ARID5B: variants seen among roughly 807,000 people sequenced by gnomAD.
ARID5B encodes the protein AT-rich interaction domain 5B.
Under a neutral mutation model 97.2 loss-of-function variants are expected in ARID5B, and 13 were observed. The observed-to-expected ratio is 0.13, with a 90% CI of 0.09 to 0.21. The LOEUF (loss-of-function observed/expected upper bound fraction) is 0.21, where lower values mean the gene tolerates loss of function less well. ARID5B is among the 10% of genes least tolerant of loss of function. The pLI is 1.00. For synonymous variants in ARID5B, 556 were observed against 570.3 expected, an observed-to-expected ratio of 0.97 and a Z score of 0.36; for missense variants, 1,210 against 1,465.3, an observed-to-expected ratio of 0.83 and a Z score of 2.84.
intron 8 of ARID5B, among the ~76,000 whole-genome samples, chr10:62,077,317 G>T (rs1840150853): frequency 6.6e-6 from 1 of 152,068 alleles, no homozygotes; most frequent in African/African-American, 2.4e-5. Flanking sequence ...CCAGACCCTG[G>T]AGTAGAAAAA....
chr10:61,964,144 A>T (rs1432010383), intron 3 of ARID5B, among the ~76,000 whole-genome samples: 1 of 152,144 alleles, frequency 6.6e-6, no homozygotes, highest in Non-Finnish European at 1.5e-5. Context: ...CTAAATGGAC[A>T]CAAACCTCAG....
chr10:61,940,260 C>T lies in ARID5B; in HGVS notation c.354C>T (p.Ser118=). The T allele has an allele frequency of 6.2e-7, 1 of 1,614,180 alleles. No homozygotes were observed. The highest frequency in any genetic ancestry group is 8.5e-7 in the Non-Finnish European group (1 of 1,180,024). ...TCAAGTGGGTACATTCTGATTTCTC[C>T]AAGTGGAGATGTGGCTTCCACGCTG... is the stretch of plus-strand genomic sequence containing the variant. ...DLVKWVHSDF[S]KWRCGFHAGP... The change falls in exon 3 of 10, where the codon TCC becomes TCT. Residue 118 remains serine (S), a synonymous_variant. Coordinates refer to ENST00000279873, the MANE Select transcript of ARID5B (RefSeq NM_032199.3).
chr10:61,901,935 A>C (rs976258249), intron 1 of ARID5B, among the ~76,000 whole-genome samples: 4 of 150,576 alleles, frequency 2.7e-5, no homozygotes, highest in Non-Finnish European at 4.4e-5. Context: ...ACCGCCTCAA[A>C]TGGGGAGGTG....
chr10:61,970,621 G>A (rs1838613588), intron 3 of ARID5B, among the ~76,000 whole-genome samples: 1 of 152,158 alleles, frequency 6.6e-6, no homozygotes, highest in Admixed American at 6.5e-5. Flanking sequence ...AGAGCGCCGA[G>A]GAGGTTGATA....
chr10:61,945,702 A>G (rs971618984), intron 3 of ARID5B, among the ~76,000 whole-genome samples: 2 of 152,186 alleles, frequency 1.3e-5, no homozygotes, highest in African/African-American at 4.8e-5. Context: ...TGAGAAGACC[A>G]CCTGAGAACA....
chr10:62,019,393 G>A (rs1337479838), intron 4 of ARID5B, among the ~76,000 whole-genome samples: 1 of 152,112 alleles, frequency 6.6e-6, no homozygotes, highest in Non-Finnish European at 1.5e-5. Context: ...CACAACCACC[G>A]TACAATAGTG....
At chr10:61,947,461 G>A (rs182220797) in intron 3 of ARID5B, among the ~76,000 whole-genome samples, 104 of 151,890 alleles carry the variant, frequency 6.8e-4, no homozygotes, top group African/African-American at 2.4e-3. Context: ...AGTAGAGACG[G>A]GGTTTCACGA....
Position 62,062,846 on chromosome 10 carries a change from C to T in ARID5B, c.1101+3551C>T, listed in dbSNP as rs184213008. On this transcript the variant is annotated intron_variant, in intron 7 of 9. Transcript: ENST00000279873. Reference sequence around the variant, plus strand: ...CCAGTTCATAGCCTCATTTTACAAGCGAGAAAACTGAGGCACTGGGAGATG... The same window carrying T: ...CCAGTTCATAGCCTCATTTTACAAGTGAGAAAACTGAGGCACTGGGAGATG... 3.4e-5 allele frequency among the ~76,000 whole-genome samples: 5 copies of T among 148,384 alleles called. 1 individual carries two copies. Among genetic ancestry groups the T allele is most frequent in the African/African-American group, 1.0e-4 (4 of 40,078 alleles).
intron 3 of ARID5B, among the ~76,000 whole-genome samples, chr10:61,980,902 G>T (rs2132845370): frequency 6.6e-6 from 1 of 152,284 alleles, no homozygotes; most frequent in South Asian, 2.1e-4. Flanking sequence ...TCACCCAGTA[G>T]GTTGCTCCTC....
chr10:62,001,289 C>T (rs898988187), intron 4 of ARID5B, among the ~76,000 whole-genome samples: 14 of 152,156 alleles, frequency 9.2e-5, no homozygotes, highest in Admixed American at 1.3e-4. Context: ...CACCCTACCC[C>T]TTCTCTGGAA....
chr10:62,073,300 C>T (rs561486904), intron 8 of ARID5B, among the ~76,000 whole-genome samples: 1 of 152,320 alleles, frequency 6.6e-6, no homozygotes, highest in South Asian at 2.1e-4. Context: ...TTTTCATGCA[C>T]TGTGGTTCAT....
intron 2 of ARID5B, among the ~76,000 whole-genome samples, chr10:61,925,572 G>A (rs1187018163): frequency 1.3e-5 from 2 of 152,146 alleles, no homozygotes; most frequent in Non-Finnish European, 2.9e-5. Context: ...ACTGTTTAGA[G>A]AGAAAGTATG....
At position 62,092,863 on chromosome 10, in the gene ARID5B, C is replaced by T. The variant is rs751082363; in HGVS notation, c.3400C>T (p.Pro1134Ser). Residue 1134 changes from proline to serine, a missense_variant, in exon 10 of 10, where the codon CCG becomes TCG. Pro to Ser is a moderately conservative substitution (Grantham distance 74). Transcript: ENST00000279873. ...LVMQRGIFTSPTNSQQLYRHL... is the reference protein window; with the variant it reads ...LVMQRGIFTSSTNSQQLYRHL... Reference sequence around the variant, plus strand: ...GATGCAAAGAGGAATTTTTACATCACCGACAAATTCTCAGCAGCTGTACAG... The same window carrying T: ...GATGCAAAGAGGAATTTTTACATCATCGACAAATTCTCAGCAGCTGTACAG... The T allele has an allele frequency of 6.2e-7, 1 of 1,614,104 alleles. No individual in the cohort carries two copies. The highest frequency in any genetic ancestry group is 1.7e-5 in the Admixed American group (1 of 60,016).
intron 3 of ARID5B, among the ~76,000 whole-genome samples, chr10:61,999,828 A>G (rs971689791): frequency 2.6e-5 from 4 of 152,150 alleles, no homozygotes; most frequent in African/African-American, 9.7e-5. Context: ...TGATGACACA[A>G]ACATTACTTA....
chr10:62,050,832 A>G (rs1474032527), intron 4 of ARID5B, 56 bp from the exon 5 acceptor site: 19 of 1,462,934 alleles, frequency 1.3e-5, no homozygotes, highest in Non-Finnish European at 1.8e-5. Context: ...TGGGTCTTTA[A>G]TAAAGAAACC....
At chr10:61,958,621 GATATTACTAGAAATAAAGA>G (rs1420083177) in intron 3 of ARID5B, among the ~76,000 whole-genome samples, 2 of 152,180 alleles carry the variant, frequency 1.3e-5, no homozygotes, top group Non-Finnish European at 2.9e-5. Context: ...ATTCTACCAG[GATATTACTAGAAATAAAGA>G]ATCTTGTGGT....
At chr10:62,017,472 G>T (rs1309158693) in intron 4 of ARID5B, among the ~76,000 whole-genome samples, 1 of 151,578 alleles carries the variant, frequency 6.6e-6, no homozygotes, top group Non-Finnish European at 1.5e-5. Flanking sequence ...ATAAGTCATG[G>T]TATTTTGTTT....
intron 6 of ARID5B, among the ~76,000 whole-genome samples, chr10:62,058,873 A>G (rs1485835743): frequency 6.6e-6 from 1 of 152,206 alleles, no homozygotes; most frequent in African/African-American, 2.4e-5. Flanking sequence ...ATTACTGTTT[A>G]ATCAATGGCG....
At chr10:62,009,103 A>G (rs1839183591) in intron 4 of ARID5B, among the ~76,000 whole-genome samples, 1 of 152,258 alleles carries the variant, frequency 6.6e-6, no homozygotes, top group African/African-American at 2.4e-5. Context: ...CTCTTGGCAC[A>G]AGAGCCAGCT....
Sources: allele counts gnomAD v4.1 joint callset (sites outside exome capture counted in the v4.1 genomes callset), GRCh38; gene constraint gnomAD v4.1.1; transcripts MANE v1.5; gene names NCBI Gene and HGNC (gene_info 2026-07-23, HGNC 2026-07-21).